Variants in RGS9 observed in about 807,000 individuals in gnomAD.
RGS9 encodes regulator of G-protein signalling 9.
Under a neutral mutation model 102.0 loss-of-function variants are expected in RGS9, and 78 were observed. The ratio of observed to expected loss-of-function variants is 0.76; its 90% confidence interval spans 0.64 to 0.92. The LOEUF (loss-of-function observed/expected upper bound fraction) is 0.92. Ranked by LOEUF, RGS9 falls within the 40% of genes least tolerant of loss-of-function variation. The pLI, the probability that RGS9 is intolerant of heterozygous loss-of-function variation, is 0.00. For synonymous variants in RGS9, 353 were observed against 318.6 expected, an observed-to-expected ratio of 1.11 and a Z score of -1.15; for missense variants, 833 against 866.1, an observed-to-expected ratio of 0.96 and a Z score of 0.48.
intron 17 of RGS9, among the ~76,000 whole-genome samples, chr17:65,215,472 TTCTC>T (rs1237695557): frequency 6.9e-6 from 1 of 144,256 alleles, no homozygotes; most frequent in African/African-American, 2.8e-5. Context: ...CTTTCTTTCT[TTCTC>T]TATCTTTCTT....
intron 6 of RGS9, 131 bp from the exon 7 acceptor site, chr17:65,162,882 A>G: frequency 1.5e-6 from 1 of 684,924 alleles, no homozygotes; most frequent in East Asian, 2.8e-5. Flanking sequence ...AAACCAGCTT[A>G]GATACCATCG....
At chr17:65,160,437 G>A (rs1409246600) in intron 4 of RGS9, 98 bp downstream of exon 4, 4 of 1,565,016 alleles carry the variant, frequency 2.6e-6, no homozygotes, top group Admixed American at 3.3e-5. Flanking sequence ...CAGAAATGGT[G>A]GAGGGGGCCA....
In RGS9 at chr17:65,151,662, C is replaced by T. The variant is rs1427262592; in HGVS notation, c.58-1760C>T. Among the ~76,000 whole-genome samples, 3 of 152,354 alleles carry T rather than the reference C, an allele frequency of 2.0e-5. No homozygotes were observed. The East Asian group carries it at 5.8e-4, about 29-fold the overall frequency. On this transcript the variant is annotated intron_variant, in intron 1 of 18. Coordinates refer to ENST00000262406, the MANE Select transcript of RGS9 (RefSeq NM_003835.4). Reference sequence around the variant, plus strand: ...ACAGTCGACCTTCCAAGGCAGACACCTTTGCTTCCAGAAGTGGCTTCTTCT... The same window carrying T: ...ACAGTCGACCTTCCAAGGCAGACACTTTTGCTTCCAGAAGTGGCTTCTTCT...
chr17:65,204,869 A>G (rs193047208), intron 15 of RGS9, among the ~76,000 whole-genome samples: 2 of 152,330 alleles, frequency 1.3e-5, no homozygotes, highest in Admixed American at 1.3e-4. Context: ...GGCTTGGTCA[A>G]GGTCTCACCA....
intron 9 of RGS9, among the ~76,000 whole-genome samples, chr17:65,187,454 T>G (rs1912166595): frequency 6.6e-6 from 1 of 152,168 alleles, no homozygotes; most frequent in Non-Finnish European, 1.5e-5. Flanking sequence ...AGATTTCTTG[T>G]GAAAAGCAAT....
In RGS9 at chr17:65,203,033, GC is replaced by G. The variant is rs1362387663; in HGVS notation, c.1064+954del. Among the ~76,000 whole-genome samples the G allele has an allele frequency of 3.9e-5, 6 of 152,374 alleles. No homozygotes were observed. The East Asian group carries it at 1.2e-3, about 29-fold the overall frequency. ...CCCTTTGCAGTCACCAGACTGTGGT[GC>G]TGAACTTTGGGCAGCAGGCCAAACA... On this transcript the variant is annotated intron_variant, in intron 14 of 18. Coordinates refer to ENST00000262406, the MANE Select transcript of RGS9 (RefSeq NM_003835.4).
intron 15 of RGS9, among the ~76,000 whole-genome samples, chr17:65,207,290 G>A (rs111855182): frequency 0.028 from 4,240 of 152,282 alleles, 200 homozygotes; most frequent in African/African-American, 0.094. Flanking sequence ...TCTCATGCTG[G>A]CTTCACTGAA....
chr17:65,225,203 G>A lies in RGS9; in HGVS notation c.1609G>A (p.Glu537Lys). The part of the protein sequence containing the change: ...RVALESSSGL[E>K]QKGECSGSMA... The stretch of plus-strand genomic sequence containing the variant: ...GGCCTTGGAGAGCTCATCGGGCTTG[G>A]AGCAGAAAGGGGAGTGCAGCGGGTC... Residue 537 changes from glutamate (E) to lysine (K), a missense_variant, in exon 18 of 19, where the codon GAG (glutamate) becomes AAG (lysine). Transcript: ENST00000262406. 1.2e-6 allele frequency: 2 copies of A among 1,613,054 alleles called. No individual in the cohort carries two copies. Among genetic ancestry groups the A allele is most frequent in the South Asian group, 1.1e-5 (1 of 91,080 alleles).
At chr17:65,148,980 G>A (rs1446634467) in intron 1 of RGS9, among the ~76,000 whole-genome samples, 1 of 151,764 alleles carries the variant, frequency 6.6e-6, no homozygotes, top group East Asian at 1.9e-4. Flanking sequence ...TTTGTTTTTT[G>A]AGGCAAGGTC....
chr17:65,188,882 TG>T (rs34905983), intron 9 of RGS9: 1 of 231,074 alleles, frequency 4.3e-6, no homozygotes, highest in African/African-American at 2.3e-5. Flanking sequence ...CCCAAAGTGC[TG>T]GGATTACAGG....
intron 5 of RGS9, 22 bp downstream of exon 5, chr17:65,160,609 A>G (rs1910945468): frequency 6.2e-7 from 1 of 1,613,368 alleles, no homozygotes; most frequent in African/African-American, 1.3e-5. Flanking sequence ...AGCCCCAACT[A>G]TGCCTTTGGT....
At chr17:65,185,740 A>G (rs113586411) in intron 9 of RGS9, among the ~76,000 whole-genome samples, 187 of 152,334 alleles carry the variant, frequency 1.2e-3, no homozygotes, top group Middle Eastern at 6.8e-3. Context: ...CCCTAGGGAG[A>G]TAATAAAATC....
chr17:65,171,923 T>C (rs955664852), intron 8 of RGS9, among the ~76,000 whole-genome samples: 1 of 152,250 alleles, frequency 6.6e-6, no homozygotes, highest in African/African-American at 2.4e-5. Flanking sequence ...CATCTGTGAC[T>C]TCCTGCCTCC....
intron 12 of RGS9, among the ~76,000 whole-genome samples, chr17:65,194,819 G>A (rs57941427): frequency 6.6e-6 from 1 of 152,054 alleles, no homozygotes; most frequent in Non-Finnish European, 1.5e-5. Context: ...ATAGGTCACA[G>A]CTTGGGTCAA....
At chr17:65,190,488 T>G (rs879519965) in intron 11 of RGS9, among the ~76,000 whole-genome samples, 4 of 152,164 alleles carry the variant, frequency 2.6e-5, no homozygotes, top group Non-Finnish European at 5.9e-5. Context: ...TGGAATCCAC[T>G]AATGTGTGGA....
intron 16 of RGS9, among the ~76,000 whole-genome samples, chr17:65,210,214 A>G (rs535385026): frequency 2.0e-5 from 3 of 152,334 alleles, no homozygotes; most frequent in South Asian, 4.1e-4. Context: ...ATTGATTTCT[A>G]CATACTGTAG....
At chr17:65,197,062 C>T in intron 12 of RGS9, 64 bp from the exon 13 acceptor site, 1 of 1,188,076 alleles carries the variant, frequency 8.4e-7, no homozygotes, top group Non-Finnish European at 1.2e-6. Context: ...GCCCTCACCC[C>T]AACCCAGGCC....
intron 8 of RGS9, among the ~76,000 whole-genome samples, chr17:65,169,008 A>G (rs1402162758): frequency 2.6e-5 from 4 of 152,048 alleles, no homozygotes; most frequent in African/African-American, 9.7e-5. Context: ...GGGTCATGGG[A>G]GGTAGGAGAT....
chr17:65,224,279 A>G (rs1905512360), intron 17 of RGS9, among the ~76,000 whole-genome samples: 1 of 152,298 alleles, frequency 6.6e-6, no homozygotes, highest in East Asian at 1.9e-4. Context: ...GGCTGGGGCC[A>G]TGGTGGCCCA....
Sources: gnomAD v4.1 joint callset for allele counts (sites outside exome capture counted in the v4.1 genomes callset) on GRCh38, gnomAD v4.1.1 for gene constraint, MANE v1.5 for transcripts, NCBI Gene and HGNC (gene_info 2026-07-23, HGNC 2026-07-21) for gene names.